The following CASZ1 variants were observed in gnomAD, a reference collection of about 807,000 sequenced individuals.
CASZ1 encodes castor zinc finger 1, also known as zinc finger protein castor homolog 1.
A neutral mutation model predicts 135.2 loss-of-function variants in CASZ1; 28 were observed. The ratio of observed to expected loss-of-function variants is 0.21; its 90% CI spans 0.15 to 0.28. CASZ1 has a LOEUF of 0.28. Ranked by LOEUF, CASZ1 falls within the 10% of genes least tolerant of loss-of-function variation. CASZ1 has a pLI of 1.00. For synonymous variants in CASZ1, 1,068 were observed against 1,073.4 expected (o/e 0.99, Z 0.10); for missense variants, 2,161 against 2,453.3 (o/e 0.88, Z 2.52).
intron 2 of CASZ1, among the ~76,000 whole-genome samples, chr1:10,736,846 G>GGGAC: frequency 6.6e-6 from 1 of 152,302 alleles, no homozygotes; most frequent in East Asian, 1.9e-4. Context: ...AGGAACTATG[G>GGGAC]GGACAAGGGG....
At position 10,689,528 on chromosome 1, in the gene CASZ1, G is replaced by A. The variant is rs539834591; in HGVS notation, c.16+4346C>T. ...GGGTTCTCCTCGCTGGTCCCTACCA[G>A]GGAAAAAGGGCCAGGGGTGGGGTCT... is the stretch of plus-strand genomic sequence containing the variant. On this transcript the variant is annotated intron_variant, in intron 4 of 20. Transcript: ENST00000377022. Among the ~76,000 whole-genome samples, 8 of 152,276 alleles carry A rather than the reference G, an allele frequency of 5.3e-5. No homozygotes were observed. In the East Asian group the frequency reaches 1.2e-3, roughly 22 times the overall value.
rs769290689 is a variant in CASZ1 at position 10,653,536 on chromosome 1, C to T, written c.2521G>A (p.Ala841Thr). Reference sequence around the variant, plus strand: ...GGGGCTGAGTCTCCAGCTCCCGAGGCGACCAGCGTGGGTGTGTCAGGGGTG... The same window carrying T: ...GGGGCTGAGTCTCCAGCTCCCGAGGTGACCAGCGTGGGTGTGTCAGGGGTG... ...SATPDTPTLV[A>T]SGAGDSAPVA... The change falls in exon 11 of 21, where the codon GCC becomes ACC. Residue 841 changes from alanine to threonine, a missense_variant. This residue lies in a region of CASZ1 where 406 missense variants were observed against 387.6 expected (regional missense o/e 1.05). Transcript: ENST00000377022. 21 of 1,600,140 alleles carry T rather than the reference C, an allele frequency of 1.3e-5. No individual in the cohort carries two copies. Among genetic ancestry groups the T allele is most frequent in the Middle Eastern group, 1.7e-4 (1 of 6,018 alleles).
Position 10,788,937 on chromosome 1 carries a change from G to A in CASZ1, c.-234+7627C>T, listed in dbSNP as rs941050777. Among the ~76,000 whole-genome samples the A allele has an allele frequency of 6.6e-6, 1 of 152,200 alleles. No homozygotes were observed. The highest frequency in any genetic ancestry group is 1.9e-4 in the East Asian group (1 of 5,194). On this transcript the variant is annotated intron_variant, in intron 1 of 20. Coordinates refer to ENST00000377022, the MANE Select transcript of CASZ1 (RefSeq NM_001079843.3). The surrounding 1 kb of genome is among the most constrained non-coding windows in gnomAD (Gnocchi z 4.1). ...TCGCAGATCCTCTAAGCCACCTAGT[G>A]TCCAGAGCTGAGCTCTAGCCACCAC...
Position 10,655,632 on chromosome 1 carries a change from C to T in CASZ1, c.1665+17G>A, listed in dbSNP as rs1008994443. On this transcript the variant is annotated intron_variant, in intron 9 of 20. Transcript: ENST00000377022. ...CCAGTCCTGCAGCTGCCCAGTGGGC[C>T]CGGGTGCGGGAGGCACCTGCATGCA... 6 of 1,603,588 alleles carry T rather than the reference C, an allele frequency of 3.7e-6. No individual in the cohort carries two copies. Among genetic ancestry groups the T allele is most frequent in the Non-Finnish European group, 5.1e-6 (6 of 1,174,504 alleles).
chr1:10,794,163 T>G lies in CASZ1; in HGVS notation c.-234+2401A>C, dbSNP rs75774820. ...TGTGTGTGCGCGTGTGTGTGCGTGT[T>G]TGTATGTGTATGCGTGTGTGTGTGT... On this transcript the variant is annotated intron_variant, in intron 1 of 20. Transcript: ENST00000377022. The surrounding 1 kb of genome is among the most constrained non-coding windows in gnomAD (Gnocchi z 5.6). 0.022 allele frequency among the ~76,000 whole-genome samples: 3,231 copies of G among 149,158 alleles called. 108 individuals are homozygous for G. Among genetic ancestry groups the G allele is most frequent in the African/African-American group, 0.067 (2,688 of 39,942 alleles).
At chr1:10,766,939 C>T (rs191406938) in intron 1 of CASZ1, among the ~76,000 whole-genome samples, 2 of 152,256 alleles carry the variant, frequency 1.3e-5, no homozygotes, top group Admixed American at 1.3e-4. Context: ...CCTCACAGCA[C>T]TGCTTAGTAA....
At position 10,648,142 on chromosome 1, in the gene CASZ1, G is replaced by C; in HGVS notation, c.3159-3C>G. Reference sequence around the variant, plus strand: ...CTCCCTCTGTCCGGAAGTGGAAGCTGCGAGAGGTAGAAGAGGGGGTCTCAT... The same window carrying C: ...CTCCCTCTGTCCGGAAGTGGAAGCTCCGAGAGGTAGAAGAGGGGGTCTCAT... On this transcript the variant is annotated splice_polypyrimidine_tract_variant and splice_region_variant and intron_variant, in intron 15 of 20. Transcript: ENST00000377022. The C allele has an allele frequency of 6.7e-7, 1 of 1,501,688 alleles. No individual in the cohort carries two copies. Among genetic ancestry groups the C allele is most frequent in the Non-Finnish European group, 8.9e-7 (1 of 1,124,388 alleles). 93.0% of individuals were successfully genotyped at this position (1,501,688 alleles called of 1,614,324 possible).
At chr1:10,651,146 G>GC in intron 11 of CASZ1, 70 bp from the exon 12 acceptor site, 1 of 1,311,128 alleles carries the variant, frequency 7.6e-7, no homozygotes, top group Non-Finnish European at 9.9e-7. Context: ...CAGCCGCCGT[G>GC]CCCCCTGGAG....
intron 1 of CASZ1, among the ~76,000 whole-genome samples, chr1:10,773,345 G>A (rs919488343): frequency 4.6e-5 from 7 of 151,670 alleles, no homozygotes; most frequent in Admixed American, 1.3e-4. Context: ...TGCCGGCTAC[G>A]GGCAGGTAGA....
At chr1:10,770,347 A>G (rs886948915) in intron 1 of CASZ1, among the ~76,000 whole-genome samples, 3 of 152,140 alleles carry the variant, frequency 2.0e-5, no homozygotes, top group Non-Finnish European at 4.4e-5. Context: ...AGCCTCCCAA[A>G]GTGCTGGGAG....
At chr1:10,641,313 G>T (rs1178959997) in intron 20 of CASZ1, among the ~76,000 whole-genome samples, 1 of 152,260 alleles carries the variant, frequency 6.6e-6, no homozygotes, top group Non-Finnish European at 1.5e-5. Context: ...CCAACAGCCG[G>T]AAGTCCCTGA....
intron 3 of CASZ1, among the ~76,000 whole-genome samples, chr1:10,698,141 G>T (rs893936367): frequency 5.3e-5 from 8 of 152,254 alleles, no homozygotes; most frequent in Non-Finnish European, 1.2e-4. Context: ...TAAGGCAGAC[G>T]CAGGGATTGC....
At position 10,762,303 on chromosome 1, in the gene CASZ1, A is replaced by T. The variant is rs553054180; in HGVS notation, c.-233-1446T>A. 4.6e-5 allele frequency among the ~76,000 whole-genome samples: 7 copies of T among 151,614 alleles called. No homozygotes were observed. The highest frequency in any genetic ancestry group is 1.0e-4 in the Non-Finnish European group (7 of 67,932). On this transcript the variant is annotated intron_variant, in intron 1 of 20. Transcript: ENST00000377022. This position sits in a 1 kb window ranked among gnomAD's most constrained non-coding sequence, Gnocchi z 4.1. ...AGCTCCCATCCCACCCCTCGGCGCC[A>T]CACAGGGTTAACAGCGGGTTTCCTG...
At chr1:10,738,879 A>ATT (rs3833535) in intron 2 of CASZ1, among the ~76,000 whole-genome samples, 2 of 90,486 alleles carry the variant, frequency 2.2e-5, no homozygotes, top group East Asian at 2.9e-4. Context: ...TTAAAATACC[A>ATT]TTTTTTTTTT....
intron 4 of CASZ1, among the ~76,000 whole-genome samples, chr1:10,674,585 G>T (rs1016352602): frequency 6.6e-6 from 1 of 152,254 alleles, no homozygotes; most frequent in Non-Finnish European, 1.5e-5. Flanking sequence ...GTAACACAGC[G>T]TTGCTGAGGG....
chr1:10,655,248 C>T (rs1242334292), intron 9 of CASZ1, among the ~76,000 whole-genome samples: 1 of 152,190 alleles, frequency 6.6e-6, no homozygotes, highest in Admixed American at 6.5e-5. Context: ...AACCCAAAGT[C>T]GCTCCTCCTG....
intron 1 of CASZ1, among the ~76,000 whole-genome samples, chr1:10,781,148 A>C (rs1442253908): frequency 1.3e-5 from 2 of 152,100 alleles, no homozygotes; most frequent in Non-Finnish European, 2.9e-5. Flanking sequence ...CTCTCCTGTG[A>C]CTTGCCTGGA....
At chr1:10,685,727 C>A (rs996872055) in intron 4 of CASZ1, among the ~76,000 whole-genome samples, 7 of 152,270 alleles carry the variant, frequency 4.6e-5, no homozygotes, top group Non-Finnish European at 4.4e-5. Context: ...GAGCCCCACC[C>A]TTCCTGGCAA....
At chr1:10,661,756 T>A (rs1386107887) in intron 5 of CASZ1, among the ~76,000 whole-genome samples, 1 of 137,806 alleles carries the variant, frequency 7.3e-6, no homozygotes, top group Admixed American at 7.3e-5. Context: ...ATTCTCATAC[T>A]CTCACCCACA....
Sources: gnomAD v4.1 joint callset for allele counts (sites outside exome capture counted in the v4.1 genomes callset) on GRCh38, gnomAD v4.1.1 for gene constraint, gnomAD v4.1.1 regional missense constraint, Gnocchi (gnomAD v3.1) non-coding constraint, MANE v1.5 for transcripts, NCBI Gene and HGNC (gene_info 2026-07-23, HGNC 2026-07-21) for gene names.